The following UTP3 variants were observed in gnomAD, a reference collection of about 807,000 sequenced individuals.
UTP3 encodes the protein something about silencing protein 10.
In UTP3, 19 loss-of-function variants were observed where a neutral mutation model predicts 37.9. The ratio of observed to expected loss-of-function variants is 0.50; its 90% confidence interval spans 0.35 to 0.74. The LOEUF (loss-of-function observed/expected upper bound fraction) is 0.74, where lower values mean the gene tolerates loss of function less well. Among genes scored for constraint, UTP3 ranks in the 30% least tolerant of loss-of-function variants. The pLI, the probability that UTP3 is intolerant of heterozygous loss-of-function variation, is 0.01. For synonymous variants in UTP3, 242 were observed against 218.5 expected, an observed-to-expected ratio of 1.11 and a Z score of -0.95; for missense variants, 504 against 570.7, an observed-to-expected ratio of 0.88 and a Z score of 1.19.
Position 70,688,793 on chromosome 4 carries a change from G to T in UTP3, c.116G>T (p.Gly39Val). The part of the protein sequence containing the change: ...GDDLGLPPSP[G>V]DTSYYQDQVD... ...GATTTAGGATTGCCACCCTCACCAG[G>T]GGACACCAGCTACTACCAAGATCAG... Residue 39 changes from glycine (G) to valine (V), a missense_variant, in exon 1 of 1, where the codon GGG becomes GTG. By Grantham distance (109) the Gly-to-Val change is moderately radical. Transcript: ENST00000254803. 1 of 1,614,154 alleles carries T rather than the reference G, an allele frequency of 6.2e-7. No homozygotes were observed.
chr4:70,688,887 A>T lies in UTP3; in HGVS notation c.210A>T (p.Gly70=). 6.2e-7 allele frequency: 1 copy of T among 1,614,044 alleles called. No individual in the cohort carries two copies. ...AGGGCTGGAATGAAGTACAGAGTGG[A>T]GACGAGGAGGATGGCGAGGAGGAGG... ...LAKGWNEVQS[G]DEEDGEEEEE... is the part of the protein sequence containing the mutation. The change falls in exon 1 of 1, where the codon GGA becomes GGT. Residue 70 remains glycine (G), a synonymous_variant. Coordinates refer to ENST00000254803, the MANE Select transcript of UTP3 (RefSeq NM_020368.3).
Position 70,689,864 on chromosome 4 carries a change from G to A in UTP3, c.1187G>A (p.Ser396Asn). The stretch of plus-strand genomic sequence containing the variant: ...CTAAAGAGAAAGAAAGAAGAAAATA[G>A]CACTGAAGAACAGGCTCTTGAAGAT... Reference protein sequence around the residue: ...QKLKRKKEENSTEEQALEDQN... With the variant: ...QKLKRKKEENNTEEQALEDQN... Residue 396 changes from serine to asparagine, a missense_variant, in exon 1 of 1, where the codon AGC becomes AAC. Transcript: ENST00000254803. 5 of 1,614,006 alleles carry A rather than the reference G, an allele frequency of 3.1e-6. No individual in the cohort carries two copies. The highest frequency in any genetic ancestry group is 4.2e-6 in the Non-Finnish European group (5 of 1,180,002).
At position 70,689,714 on chromosome 4, in the gene UTP3, C is replaced by T. The variant is rs757874794; in HGVS notation, c.1037C>T (p.Pro346Leu). The T allele has an allele frequency of 6.4e-5, 103 of 1,614,030 alleles. No homozygotes were observed. Among genetic ancestry groups the T allele is most frequent in the Non-Finnish European group, 8.5e-5 (100 of 1,180,052 alleles). The change falls in exon 1 of 1, where the codon CCC (proline) becomes CTC (leucine). Residue 346 changes from proline (P) to leucine (L), a missense_variant. Pro to Leu is a moderately conservative substitution (Grantham distance 98). Transcript: ENST00000254803. ...ATTCCAAAAGCAAAATCCACCAAGC[C>T]CAAACCAAAGTCTGTTTCAAAGACT... ...ELIPKAKSTK[P>L]KPKSVSKTSA...
Position 70,689,829 on chromosome 4 carries a change from C to T in UTP3, c.1152C>T (p.Asp384=). 2.5e-6 allele frequency: 4 copies of T among 1,613,386 alleles called. No individual in the cohort carries two copies. Among genetic ancestry groups the T allele is most frequent in the Non-Finnish European group, 3.4e-6 (4 of 1,179,886 alleles). ...AKLKYYKEIE[D]RQKLKRKKEE... ...TGAAGTACTATAAAGAAATAGAAGACAGGCAAAAGCTAAAGAGAAAGAAAG... is the reference window on the plus strand; with the variant it reads ...TGAAGTACTATAAAGAAATAGAAGATAGGCAAAAGCTAAAGAGAAAGAAAG... The change falls in exon 1 of 1, where the codon GAC becomes GAT. Residue 384 remains aspartate (D), a synonymous_variant. Coordinates refer to ENST00000254803, the MANE Select transcript of UTP3 (RefSeq NM_020368.3).
Position 70,688,811 on chromosome 4 carries a change from A to G in UTP3, c.134A>G (p.Gln45Arg). The change falls in exon 1 of 1, where the codon CAA (glutamine) becomes CGA (arginine). Residue 45 changes from glutamine to arginine, a missense_variant. Physicochemically the swap from Gln to Arg is conservative, Grantham distance 43. Coordinates refer to ENST00000254803, the MANE Select transcript of UTP3 (RefSeq NM_020368.3). Reference sequence around the variant, plus strand: ...TCACCAGGGGACACCAGCTACTACCAAGATCAGGTAGATGACTTTCATGAG... The same window carrying G: ...TCACCAGGGGACACCAGCTACTACCGAGATCAGGTAGATGACTTTCATGAG... ...PPSPGDTSYY[Q>R]DQVDDFHEAR... 1.2e-6 allele frequency: 2 copies of G among 1,614,120 alleles called. No homozygotes were observed. Among genetic ancestry groups the G allele is most frequent in the Non-Finnish European group, 8.5e-7 (1 of 1,180,036 alleles).
In UTP3 at chr4:70,688,745, C is replaced by G. The variant is rs16845385; in HGVS notation, c.68C>G (p.Thr23Arg). 3.1e-6 allele frequency: 5 copies of G among 1,614,106 alleles called. No individual in the cohort carries two copies. In the East Asian group the frequency reaches 1.1e-4, roughly 36 times the overall value. ...WAAVRAKAGPTLTDENGDDLG... is the reference protein window; with the variant it reads ...WAAVRAKAGPRLTDENGDDLG... ...GCTGTGCGAGCCAAGGCAGGTCCCACGCTCACCGACGAAAATGGAGATGAT... is the reference window on the plus strand; with the variant it reads ...GCTGTGCGAGCCAAGGCAGGTCCCAGGCTCACCGACGAAAATGGAGATGAT... The change falls in exon 1 of 1, where the codon ACG becomes AGG. Residue 23 changes from threonine to arginine, a missense_variant. Coordinates refer to ENST00000254803, the MANE Select transcript of UTP3 (RefSeq NM_020368.3).
chr4:70,689,680 A>G lies in UTP3; in HGVS notation c.1003A>G (p.Lys335Glu), dbSNP rs758485181. The stretch of plus-strand genomic sequence containing the variant: ...GACACTTAAGGATGATGCTGTAAAG[A>G]AAGAACTGATTCCAAAAGCAAAATC... ...LLTLKDDAVK[K>E]ELIPKAKSTK... Residue 335 changes from lysine to glutamate, a missense_variant, in exon 1 of 1, where the codon AAA becomes GAA. Transcript: ENST00000254803. 1.9e-6 allele frequency: 3 copies of G among 1,614,112 alleles called. No homozygotes were observed. The highest frequency in any genetic ancestry group is 2.5e-6 in the Non-Finnish European group (3 of 1,180,048).
In UTP3 at chr4:70,689,449, C is replaced by T. The variant is rs760321355; in HGVS notation, c.772C>T (p.Pro258Ser). The change falls in exon 1 of 1, where the codon CCC becomes TCC. Residue 258 changes from proline to serine, a missense_variant. Coordinates refer to ENST00000254803, the MANE Select transcript of UTP3 (RefSeq NM_020368.3). ...GTTGGTGGAACAAGGGATCATTCCA[C>T]CCGGAAAAGGAAGCCAATACTTGAG... ...LELVEQGIIP[P>S]GKGSQYLRTK... The T allele has an allele frequency of 4.3e-6, 7 of 1,614,190 alleles. No individual in the cohort carries two copies. Among genetic ancestry groups the T allele is most frequent in the Non-Finnish European group, 4.2e-6 (5 of 1,180,044 alleles).
Position 70,689,744 on chromosome 4 carries a change from C to T in UTP3, c.1067C>T (p.Ala356Val). Residue 356 changes from alanine to valine, a missense_variant, in exon 1 of 1, where the codon GCT (alanine) becomes GTT (valine). Ala to Val is a moderately conservative substitution (Grantham distance 64). Transcript: ENST00000254803. The stretch of plus-strand genomic sequence containing the variant: ...CCAAAGTCTGTTTCAAAGACTTCTG[C>T]TGCTGCCTGTGCTGTTACAGATCTT... ...PKPKSVSKTS[A>V]AACAVTDLSD... The T allele has an allele frequency of 6.2e-7, 1 of 1,614,198 alleles. No homozygotes were observed.
In UTP3 at chr4:70,688,866, C is replaced by T. The variant is rs142687496; in HGVS notation, c.189C>T (p.Gly63=). 4.5e-4 allele frequency: 730 copies of T among 1,613,932 alleles called. 2 individuals carry two copies. The African/African-American group carries it at 8.5e-3, about 19-fold the overall frequency. The change falls in exon 1 of 1, where the codon GGC becomes GGT. Residue 63 remains glycine, a synonymous_variant. Transcript: ENST00000254803. The part of the protein sequence containing the change: ...EARSRAALAK[G]WNEVQSGDEE... ...GATCCCGGGCCGCCTTAGCTAAGGG[C>T]TGGAATGAAGTACAGAGTGGAGACG... is the stretch of plus-strand genomic sequence containing the variant.
In UTP3 at chr4:70,690,273, G is replaced by A. The variant is rs920155582; in HGVS notation, c.*156G>A. On this transcript the variant is annotated 3_prime_UTR_variant, in exon 1 of 1. Transcript: ENST00000254803. ...TATTGGACAATTTATAAGAACTATGGGAGCAATATGAAGGTGCTTGAGAAA... is the reference window on the plus strand; with the variant it reads ...TATTGGACAATTTATAAGAACTATGAGAGCAATATGAAGGTGCTTGAGAAA... The A allele has an allele frequency of 1.3e-6, 1 of 742,090 alleles. No homozygotes were observed. The highest frequency in any genetic ancestry group is 1.9e-6 in the Non-Finnish European group (1 of 514,662). The allele number at this position is 742,090 out of a possible 1,614,324, so 46.0% of individuals were successfully genotyped here.
Position 70,689,762 on chromosome 4 carries a change from C to G in UTP3, c.1085C>G (p.Thr362Arg). 6.2e-7 allele frequency: 1 copy of G among 1,613,910 alleles called. No homozygotes were observed. Among genetic ancestry groups the G allele is most frequent in the Admixed American group, 1.7e-5 (1 of 59,910 alleles). Residue 362 changes from threonine (T) to arginine (R), a missense_variant, in exon 1 of 1, where the codon ACA becomes AGA. Physicochemically the swap from Thr to Arg is moderately conservative, Grantham distance 71. Coordinates refer to ENST00000254803, the MANE Select transcript of UTP3 (RefSeq NM_020368.3). ...ACTTCTGCTGCTGCCTGTGCTGTTA[C>G]AGATCTTTCTGATGATTCTGATTTT... is the stretch of plus-strand genomic sequence containing the variant. ...SKTSAAACAV[T>R]DLSDDSDFDE...
In UTP3 at chr4:70,690,082, C is replaced by T. The variant is rs375718549; in HGVS notation, c.1405C>T (p.Arg469Cys). 3 of 1,607,984 alleles carry T rather than the reference C, an allele frequency of 1.9e-6. No individual in the cohort carries two copies. In the African/African-American group the frequency reaches 4.0e-5, roughly 22 times the overall value. The stretch of plus-strand genomic sequence containing the variant: ...TTATAGTGGTGAATTATCTGGCATT[C>T]GTGCAGGAGTTAAAAAGAGCATTAA... ...QRYSGELSGI[R>C]AGVKKSIKLK The change falls in exon 1 of 1, where the codon CGT becomes TGT. Residue 469 changes from arginine (R) to cysteine (C), a missense_variant. Transcript: ENST00000254803.
In UTP3 at chr4:70,690,176, C is replaced by A; in HGVS notation, c.*59C>A. 3 of 1,493,700 alleles carry A rather than the reference C, an allele frequency of 2.0e-6. No homozygotes were observed. The highest frequency in any genetic ancestry group is 2.7e-6 in the Non-Finnish European group (3 of 1,123,548). The allele number at this position is 1,493,700 out of a possible 1,614,324, so 92.5% of individuals were successfully genotyped here. On this transcript the variant is annotated 3_prime_UTR_variant, in exon 1 of 1. Coordinates refer to ENST00000254803, the MANE Select transcript of UTP3 (RefSeq NM_020368.3). ...TGGATCAATAAATTTTTACTTTTAA[C>A]TAAAGTCATTGTATTAATATATAAT...
In UTP3 at chr4:70,689,384, A is replaced by G. The variant is rs1259424664; in HGVS notation, c.707A>G (p.Lys236Arg). 1 of 1,614,204 alleles carries G rather than the reference A, an allele frequency of 6.2e-7. No homozygotes were observed. Residue 236 changes from lysine to arginine, a missense_variant, in exon 1 of 1, where the codon AAG becomes AGG. Transcript: ENST00000254803. ...LLELIEDLKV[K>R]LTEVKDELEP... Reference sequence around the variant, plus strand: ...GAGCTGATAGAAGACCTGAAAGTCAAGTTGACAGAGGTTAAGGATGAGCTG... The same window carrying G: ...GAGCTGATAGAAGACCTGAAAGTCAGGTTGACAGAGGTTAAGGATGAGCTG...
chr4:70,688,563 G>A lies in UTP3; in HGVS notation c.-115G>A. Reference sequence around the variant, plus strand: ...CGATCAGGAGTCTGCAAACTCCGGTGGTAGGGGAGCGCGCTGCTGTTTAGA... The same window carrying A: ...CGATCAGGAGTCTGCAAACTCCGGTAGTAGGGGAGCGCGCTGCTGTTTAGA... On this transcript the variant is annotated 5_prime_UTR_variant, in exon 1 of 1. Coordinates refer to ENST00000254803, the MANE Select transcript of UTP3 (RefSeq NM_020368.3). The A allele has an allele frequency of 9.3e-7, 1 of 1,072,690 alleles. No homozygotes were observed. Among genetic ancestry groups the A allele is most frequent in the Non-Finnish European group, 1.3e-6 (1 of 758,912 alleles). The allele number at this position is 1,072,690 out of a possible 1,614,324, so 66.4% of individuals were successfully genotyped here. A position where few individuals can be genotyped will look rare whatever the true frequency, so the allele number is the denominator to read the frequency against.
At position 70,689,712 on chromosome 4, in the gene UTP3, GC is replaced by G; in HGVS notation, c.1038del (p.Lys347AsnfsTer30). On this transcript the variant is annotated frameshift_variant, in exon 1 of 1. Transcript: ENST00000254803. LOFTEE classifies it high-confidence loss of function. ...ELIPKAKSTK[P>X]KPKSVSKTSA... The stretch of plus-strand genomic sequence containing the variant: ...TGATTCCAAAAGCAAAATCCACCAA[GC>G]CCAAACCAAAGTCTGTTTCAAAGAC... 1 of 1,614,154 alleles carries G rather than the reference GC, an allele frequency of 6.2e-7. No individual in the cohort carries two copies. Among genetic ancestry groups the G allele is most frequent in the Non-Finnish European group, 8.5e-7 (1 of 1,180,032 alleles).
In UTP3 at chr4:70,689,777, A is replaced by G. The variant is rs1739582431; in HGVS notation, c.1100A>G (p.Asp367Gly). The G allele has an allele frequency of 2.2e-5, 36 of 1,613,426 alleles. No homozygotes were observed. The highest frequency in any genetic ancestry group is 3.0e-5 in the Non-Finnish European group (35 of 1,179,880). Residue 367 changes from aspartate to glycine, a missense_variant, in exon 1 of 1, where the codon GAT becomes GGT. Asp to Gly is a moderately conservative substitution (Grantham distance 94). Transcript: ENST00000254803. ...TGTGCTGTTACAGATCTTTCTGATG[A>G]TTCTGATTTTGATGAAAAAGCAAAA... ...AACAVTDLSD[D>G]SDFDEKAKLK...
Position 70,689,478 on chromosome 4 carries a change from C to G in UTP3, c.801C>G (p.Thr267=). Residue 267 remains threonine, a synonymous_variant, in exon 1 of 1, where the codon ACC becomes ACG. Coordinates refer to ENST00000254803, the MANE Select transcript of UTP3 (RefSeq NM_020368.3). Reference sequence around the variant, plus strand: ...GAAAAGGAAGCCAATACTTGAGGACCAAGTACAACCTCTACTTGAATTATT... The same window carrying G: ...GAAAAGGAAGCCAATACTTGAGGACGAAGTACAACCTCTACTTGAATTATT... ...PPGKGSQYLR[T]KYNLYLNYCS... 1.2e-6 allele frequency: 2 copies of G among 1,614,108 alleles called. No individual in the cohort carries two copies. The highest frequency in any genetic ancestry group is 1.7e-6 in the Non-Finnish European group (2 of 1,180,016).
Sources: allele counts gnomAD v4.1 joint callset, GRCh38; gene constraint gnomAD v4.1.1; transcripts MANE v1.5; gene names NCBI Gene and HGNC (gene_info 2026-07-23, HGNC 2026-07-21).